The following SPAG16 variants were observed in gnomAD, a reference collection of about 807,000 sequenced individuals.
SPAG16 encodes the protein sperm-associated antigen 16 protein.
In SPAG16, 86 loss-of-function variants were observed where a neutral mutation model predicts 80.4. The ratio of observed to expected loss-of-function variants is 1.07; its 90% CI spans 0.90 to 1.28. The LOEUF (loss-of-function observed/expected upper bound fraction) is 1.28, where lower values mean the gene tolerates loss of function less well. Ranked by LOEUF, SPAG16 falls within the 50% of genes most tolerant of loss-of-function variation. The pLI, the probability that SPAG16 is intolerant of heterozygous loss-of-function variation, is 0.00. For synonymous variants in SPAG16, 294 were observed against 265.9 expected (o/e 1.11, Z -1.03); for missense variants, 870 against 765.3 (o/e 1.14, Z -1.61).
intron 10 of SPAG16, among the ~76,000 whole-genome samples, chr2:213,828,920 G>T (rs2073458484): frequency 6.6e-6 from 1 of 152,170 alleles, no homozygotes; most frequent in Non-Finnish European, 1.5e-5. Flanking sequence ...TCCACAGCTG[G>T]AGGATGGGTG....
chr2:214,080,815 TTGC>T (rs1313319232), intron 13 of SPAG16, among the ~76,000 whole-genome samples: 1 of 151,992 alleles, frequency 6.6e-6, no homozygotes, highest in Non-Finnish European at 1.5e-5. Flanking sequence ...GTTTTTGTAA[TTGC>T]AAGTTTCTTT....
intron 14 of SPAG16, among the ~76,000 whole-genome samples, chr2:214,130,042 A>T (rs7576348): frequency 0.013 from 2,015 of 152,266 alleles, 26 homozygotes; most frequent in Middle Eastern, 0.034. Context: ...GTGCCTTCCA[A>T]TGAACAAAGT....
intron 15 of SPAG16, among the ~76,000 whole-genome samples, chr2:214,368,835 A>G (rs939935593): frequency 1.3e-5 from 2 of 152,094 alleles, no homozygotes; most frequent in African/African-American, 4.8e-5. Context: ...TTATACCTCT[A>G]AGAATCTAAA....
intron 11 of SPAG16, among the ~76,000 whole-genome samples, chr2:213,928,019 G>A (rs2078566983): frequency 6.6e-6 from 1 of 152,154 alleles, no homozygotes; most frequent in Admixed American, 6.5e-5. Context: ...TTTTGTTGGT[G>A]AAGGGACTAG....
At chr2:213,903,716 C>A (rs531404597) in intron 11 of SPAG16, among the ~76,000 whole-genome samples, 129 of 152,284 alleles carry the variant, frequency 8.5e-4, no homozygotes, top group African/African-American at 3.0e-3. Flanking sequence ...ACTCTCTCCC[C>A]AGAAAATGGA....
chr2:213,290,011 C>G (rs1013563158), intron 1 of SPAG16, among the ~76,000 whole-genome samples: 34 of 152,192 alleles, frequency 2.2e-4, no homozygotes, highest in South Asian at 8.3e-4. Context: ...TCAAGCTCTG[C>G]GCCATTAGGC....
At chr2:213,329,674 G>A (rs1165673613) in intron 5 of SPAG16, among the ~76,000 whole-genome samples, 1 of 152,190 alleles carries the variant, frequency 6.6e-6, no homozygotes, top group Non-Finnish European at 1.5e-5. Flanking sequence ...TTTCTGGGGA[G>A]AAATTCAAGC....
At chr2:214,257,589 C>T (rs1690786077) in intron 15 of SPAG16, among the ~76,000 whole-genome samples, 2 of 151,958 alleles carry the variant, frequency 1.3e-5, no homozygotes, top group Non-Finnish European at 2.9e-5. Context: ...ATTGAAATGA[C>T]CATGTAATTG....
At chr2:213,484,501 A>G (rs1487764946) in intron 9 of SPAG16, among the ~76,000 whole-genome samples, 2 of 152,178 alleles carry the variant, frequency 1.3e-5, no homozygotes, top group African/African-American at 4.8e-5. Context: ...TTGAGTGATG[A>G]ATGAAATAAT....
At chr2:213,337,048 C>T (rs150823183) in intron 5 of SPAG16, among the ~76,000 whole-genome samples, 1 of 152,292 alleles carries the variant, frequency 6.6e-6, no homozygotes, top group African/African-American at 2.4e-5. Flanking sequence ...GGTCTGTAGC[C>T]TCTGCTGGTG....
At chr2:213,347,265 T>C (rs2065050794) in intron 6 of SPAG16, among the ~76,000 whole-genome samples, 1 of 152,146 alleles carries the variant, frequency 6.6e-6, no homozygotes. Flanking sequence ...GTCTATTTGA[T>C]TCTTCTCTCT....
At chr2:214,303,032 T>C (rs1165339326) in intron 15 of SPAG16, among the ~76,000 whole-genome samples, 1 of 152,242 alleles carries the variant, frequency 6.6e-6, no homozygotes, top group Non-Finnish European at 1.5e-5. Context: ...TGTGAGTGTC[T>C]TGAAGACGGC....
At chr2:213,470,554 C>G (rs931306454) in intron 9 of SPAG16, among the ~76,000 whole-genome samples, 9 of 152,176 alleles carry the variant, frequency 5.9e-5, no homozygotes, top group African/African-American at 2.2e-4. Flanking sequence ...AGGAATGGTG[C>G]CATATTGTGG....
intron 10 of SPAG16, among the ~76,000 whole-genome samples, chr2:213,526,157 T>C (rs1295411700): frequency 6.6e-6 from 1 of 152,136 alleles, no homozygotes; most frequent in East Asian, 1.9e-4. Context: ...ACTTCTTTTC[T>C]CTTTATTCAC....
chr2:213,961,743 T>G (rs556892521), intron 12 of SPAG16, among the ~76,000 whole-genome samples: 1 of 152,266 alleles, frequency 6.6e-6, no homozygotes, highest in East Asian at 1.9e-4. Flanking sequence ...CTGTTCATTG[T>G]GTATAATCCA....
intron 15 of SPAG16, among the ~76,000 whole-genome samples, chr2:214,331,178 T>C (rs995799814): frequency 3.3e-5 from 5 of 152,166 alleles, no homozygotes; most frequent in African/African-American, 1.2e-4. Flanking sequence ...GCTTGTTCAT[T>C]TACTGTCAAA....
chr2:213,862,901 T>C (rs1021344536), intron 11 of SPAG16, among the ~76,000 whole-genome samples: 1 of 152,244 alleles, frequency 6.6e-6, no homozygotes, highest in East Asian at 1.9e-4. Flanking sequence ...TTAAAATTCC[T>C]TGTGCTCACG....
intron 10 of SPAG16, among the ~76,000 whole-genome samples, chr2:213,527,501 T>C (rs2075929593): frequency 6.6e-6 from 1 of 152,222 alleles, no homozygotes; most frequent in Non-Finnish European, 1.5e-5. Context: ...AATGTATTCT[T>C]TAAATCACAA....
At chr2:214,174,292 C>T (rs1420745723) in intron 15 of SPAG16, among the ~76,000 whole-genome samples, 2 of 151,898 alleles carry the variant, frequency 1.3e-5, no homozygotes, top group Non-Finnish European at 2.9e-5. Context: ...GTCAAATTGT[C>T]CCTGTTTGCA....
Sources: gnomAD v4.1 joint callset for allele counts (sites outside exome capture counted in the v4.1 genomes callset) on GRCh38, gnomAD v4.1.1 for gene constraint, MANE v1.5 for transcripts, NCBI Gene and HGNC (gene_info 2026-07-23, HGNC 2026-07-21) for gene names.